NDUFV2: variants seen among roughly 807,000 people sequenced by gnomAD.
The protein encoded by NDUFV2 is NADH:ubiquinone oxidoreductase core subunit V2.
In NDUFV2, 18 loss-of-function variants were observed where a neutral mutation model predicts 31.6. The ratio of observed to expected loss-of-function variants is 0.57; its 90% confidence interval spans 0.39 to 0.84. NDUFV2 has a LOEUF of 0.84. NDUFV2 is among the 40% of genes least tolerant of loss of function. The probability of loss-of-function intolerance (pLI) is 0.00; values close to 1 mark genes in which losing one functional copy is unlikely to be tolerated. For missense variants in NDUFV2, 314 were observed against 303.6 expected, an observed-to-expected ratio of 1.03 and a Z score of -0.26; for synonymous variants, 83 against 99.8, an observed-to-expected ratio of 0.83 and a Z score of 1.01.
chr18:9,122,402 T>C (rs1040687285), intron 4 of NDUFV2, 111 bp from the exon 5 acceptor site: 3 of 1,014,578 alleles, frequency 3.0e-6, no homozygotes, highest in African/African-American at 1.6e-5. Flanking sequence ...TGAAGAACTT[T>C]TCTGTTTTTA....
At chr18:9,109,038 T>C (rs905102226) in intron 1 of NDUFV2, among the ~76,000 whole-genome samples, 3 of 152,216 alleles carry the variant, frequency 2.0e-5, no homozygotes, top group African/African-American at 4.8e-5. Context: ...ATGAATGTAT[T>C]GCAGACCCTG....
chr18:9,104,166 A>C, intron 1 of NDUFV2: 1 of 1,612,862 alleles, frequency 6.2e-7, no homozygotes, highest in Non-Finnish European at 8.5e-7. Context: ...AGGACAACTT[A>C]AAGTCTTGTT....
chr18:9,129,466 T>TA (rs2078021741), intron 7 of NDUFV2, among the ~76,000 whole-genome samples: 1 of 152,170 alleles, frequency 6.6e-6, no homozygotes, highest in Admixed American at 6.5e-5. Flanking sequence ...ATGAACAAGA[T>TA]AAAGTTCTCA....
chr18:9,127,369 C>T (rs1349756618), intron 7 of NDUFV2, among the ~76,000 whole-genome samples: 5 of 152,206 alleles, frequency 3.3e-5, no homozygotes, highest in African/African-American at 1.2e-4. Context: ...TCTCATATGA[C>T]ATAGCTTTGG....
chr18:9,114,718 T>C (rs1227665028), intron 1 of NDUFV2, among the ~76,000 whole-genome samples: 1 of 152,224 alleles, frequency 6.6e-6, no homozygotes, highest in African/African-American at 2.4e-5. Context: ...GTCTGTTTTT[T>C]TCCTAGAGTT....
chr18:9,118,825 T>TTG (rs1555697092), intron 2 of NDUFV2, among the ~76,000 whole-genome samples: 23 of 148,578 alleles, frequency 1.5e-4, no homozygotes, highest in Admixed American at 7.4e-4. Context: ...GTTTTTTTTT[T>TTG]TTTTTTTTTT....
intron 7 of NDUFV2, among the ~76,000 whole-genome samples, chr18:9,129,241 AC>A (rs2078019622): frequency 6.6e-6 from 1 of 151,892 alleles, no homozygotes; most frequent in African/African-American, 2.4e-5. Flanking sequence ...ACGCCCGGCC[AC>A]TTTGGCGTTT....
chr18:9,117,540 T>A, intron 1 of NDUFV2: 1 of 347,892 alleles, frequency 2.9e-6, no homozygotes, highest in Non-Finnish European at 5.4e-6. Flanking sequence ...AGTACATTAA[T>A]TCTCCAAATG....
intron 1 of NDUFV2, among the ~76,000 whole-genome samples, chr18:9,106,301 A>T (rs2077841674): frequency 6.6e-6 from 1 of 151,832 alleles, no homozygotes; most frequent in Non-Finnish European, 1.5e-5. Flanking sequence ...AAAAACAAAA[A>T]CCTCATTGGT....
At chr18:9,106,886 G>A (rs1367176017) in intron 1 of NDUFV2, among the ~76,000 whole-genome samples, 1 of 133,078 alleles carries the variant, frequency 7.5e-6, no homozygotes, top group Non-Finnish European at 1.6e-5. Context: ...GGCAAGTCTA[G>A]TTCTTATATC....
At chr18:9,113,572 A>G (rs1187055706) in intron 1 of NDUFV2, among the ~76,000 whole-genome samples, 3 of 152,182 alleles carry the variant, frequency 2.0e-5, no homozygotes, top group Non-Finnish European at 2.9e-5. Context: ...CTTATGCCCA[A>G]TTTCTGCCTC....
intron 7 of NDUFV2, among the ~76,000 whole-genome samples, chr18:9,132,030 A>G (rs954425442): frequency 6.6e-6 from 1 of 152,166 alleles, no homozygotes; most frequent in Non-Finnish European, 1.5e-5. Context: ...TTTAAGGTAC[A>G]CTGTGTGAAT....
At chr18:9,125,578 G>A (rs1411574176) in intron 6 of NDUFV2, among the ~76,000 whole-genome samples, 3 of 150,802 alleles carry the variant, frequency 2.0e-5, no homozygotes, top group Non-Finnish European at 4.4e-5. Context: ...TCTTTGACCT[G>A]TAAGTTTCTA....
chr18:9,123,047 A>G (rs942229282), intron 5 of NDUFV2, among the ~76,000 whole-genome samples: 3 of 152,216 alleles, frequency 2.0e-5, no homozygotes, highest in Admixed American at 1.3e-4. Flanking sequence ...ATATTCTTCT[A>G]AAGAAGTCAT....
At chr18:9,107,018 G>C (rs1301463659) in intron 1 of NDUFV2, among the ~76,000 whole-genome samples, 1 of 151,788 alleles carries the variant, frequency 6.6e-6, no homozygotes, top group African/African-American at 2.4e-5. Context: ...TTTTAAGGTC[G>C]GCTGATTAGC....
chr18:9,124,476 T>G (rs2077970104), intron 5 of NDUFV2, among the ~76,000 whole-genome samples: 1 of 138,182 alleles, frequency 7.2e-6, no homozygotes, highest in Admixed American at 7.7e-5. Flanking sequence ...GGAGATGGAG[T>G]CTTGCTCTGT....
At chr18:9,127,558 A>G (rs1403345032) in intron 7 of NDUFV2, among the ~76,000 whole-genome samples, 2 of 152,166 alleles carry the variant, frequency 1.3e-5, no homozygotes, top group African/African-American at 4.8e-5. Flanking sequence ...TGCAAGCTCC[A>G]CCTCCCAGGT....
chr18:9,125,852 C>T (rs773147471), intron 6 of NDUFV2, among the ~76,000 whole-genome samples: 7 of 152,092 alleles, frequency 4.6e-5, no homozygotes, highest in Non-Finnish European at 1.0e-4. Flanking sequence ...TCTGTTCCTC[C>T]GGTGTGAAAG....
chr18:9,128,197 T>TAA (rs1462319234), intron 7 of NDUFV2, among the ~76,000 whole-genome samples: 1 of 152,218 alleles, frequency 6.6e-6, no homozygotes, highest in African/African-American at 2.4e-5. Context: ...TCTAATGTTT[T>TAA]AAAACAGCTG....
Sources: gnomAD v4.1 joint callset for allele counts (sites outside exome capture counted in the v4.1 genomes callset) on GRCh38, gnomAD v4.1.1 for gene constraint, MANE v1.5 for transcripts, NCBI Gene and HGNC (gene_info 2026-07-23, HGNC 2026-07-21) for gene names.